PFKFB2: variants seen among roughly 807,000 people sequenced by gnomAD.
The protein encoded by PFKFB2 is 6-phosphofructo-2-kinase/fructose-2,6-biphosphatase 2.
A neutral mutation model predicts 68.0 loss-of-function variants in PFKFB2; 53 were observed. The observed-to-expected ratio is 0.78, with a 90% CI of 0.63 to 0.98. The LOEUF is 0.98. PFKFB2 is among the 50% of genes least tolerant of loss of function. PFKFB2 has a pLI of 0.00. For missense variants in PFKFB2, 451 were observed against 642.0 expected (o/e 0.70, Z 3.22); for synonymous variants, 222 against 227.6 (o/e 0.98, Z 0.22).
In PFKFB2 at chr1:207,065,294, G is replaced by A. The variant is rs996432714; in HGVS notation, c.632+134G>A. 136 of 1,460,042 alleles carry A rather than the reference G, an allele frequency of 9.3e-5. No individual in the cohort carries two copies. The Middle Eastern group carries it at 1.0e-3, about 11-fold the overall frequency. The allele number at this position is 1,460,042 out of a possible 1,614,324, so 90.4% of individuals were successfully genotyped here. A position where few individuals can be genotyped will look rare whatever the true frequency, so the allele number is the denominator to read the frequency against. ...TGTTAACATCATCCCAGAGAAATAA[G>A]GTATGGATTTGTGGCTTTTATGTGG... is the stretch of plus-strand genomic sequence containing the variant. On this transcript the variant is annotated intron_variant, in intron 8 of 14. Coordinates refer to ENST00000367080, the MANE Select transcript of PFKFB2 (RefSeq NM_006212.2).
chr1:207,035,500 A>G (rs1424963073), intron 1 of PFKFB2, among the ~76,000 whole-genome samples: 1 of 152,142 alleles, frequency 6.6e-6, no homozygotes, highest in Non-Finnish European at 1.5e-5. Flanking sequence ...CTAAAAGTAC[A>G]AAAATTAGCC....
chr1:207,049,872 G>A, upstream of PFKFB2: 1 of 705,022 alleles, frequency 1.4e-6, no homozygotes, highest in Non-Finnish European at 2.3e-6. Context: ...TAAGTTACCA[G>A]TAAGAATCTT....
chr1:207,067,155 ATTC>A (rs1683316073), intron 8 of PFKFB2, among the ~76,000 whole-genome samples: 1 of 152,200 alleles, frequency 6.6e-6, no homozygotes, highest in East Asian at 1.9e-4. Context: ...AAAGGGGCCT[ATTC>A]TTCTCACCAA....
upstream of PFKFB2, chr1:207,051,119 T>A: frequency 1.4e-6 from 2 of 1,422,856 alleles, no homozygotes; most frequent in Non-Finnish European, 1.8e-6. Flanking sequence ...TCTTTTAAAG[T>A]GACAACTGAT....
At position 207,068,320 on chromosome 1, in the gene PFKFB2, A is replaced by G. The variant is rs1294024544; in HGVS notation, c.987+11A>G. ...AATGAGATTGATGCTGTGAGTAGGA[A>G]GCTCTGAAGGCCCAGAAAAGCCAAC... On this transcript the variant is annotated intron_variant, in intron 10 of 14. Transcript: ENST00000367080. The G allele has an allele frequency of 1.7e-5, 26 of 1,551,898 alleles. No homozygotes were observed. The highest frequency in any genetic ancestry group is 2.2e-5 in the Non-Finnish European group (25 of 1,148,848).
At position 207,076,581 on chromosome 1, in the gene PFKFB2, T is replaced by C. The variant is rs144314283; in HGVS notation, c.*4210T>C. ...CAGAATTGTGTCCAGGGATTTAATT[T>C]AGACCCATACTGTCCAGGAGACTGT... On this transcript the variant is annotated 3_prime_UTR_variant, in exon 15 of 15. Coordinates refer to ENST00000367080, the MANE Select transcript of PFKFB2 (RefSeq NM_006212.2). The C allele has an allele frequency of 7.1e-6, 7 of 985,466 alleles. No homozygotes were observed. In the East Asian group the frequency reaches 7.9e-4, roughly 112 times the overall value. The allele number at this position is 985,466 out of a possible 1,614,324, so 61.0% of individuals were successfully genotyped here. A position where few individuals can be genotyped will look rare whatever the true frequency, so the allele number is the denominator to read the frequency against.
intron 9 of PFKFB2, 117 bp downstream of exon 9, chr1:207,067,823 A>G: frequency 1.2e-6 from 1 of 850,794 alleles, no homozygotes; most frequent in African/African-American, 1.7e-5. Flanking sequence ...GTGGTTTCAT[A>G]GTCAGGCAAG....
Position 207,068,219 on chromosome 1 carries a change from G to A in PFKFB2, c.897G>A (p.Val299=). The A allele has an allele frequency of 3.1e-6, 5 of 1,613,242 alleles. No homozygotes were observed. The highest frequency in any genetic ancestry group is 4.2e-6 in the Non-Finnish European group (5 of 1,179,708). Residue 299 remains valine, a synonymous_variant, in exon 10 of 15, where the codon GTG becomes GTA. Transcript: ENST00000367080. The part of the protein sequence containing the change: ...LEEQEITDLK[V]WTSQLKRTIQ... ...AACAGGAAATAACAGACCTCAAAGT[G>A]TGGACAAGCCAGTTGAAGAGGACCA...
chr1:207,072,811 T>G lies in PFKFB2; in HGVS notation c.*440T>G, dbSNP rs896497930. The G allele has an allele frequency of 6.3e-5, 63 of 994,406 alleles. No homozygotes were observed. The highest frequency in any genetic ancestry group is 6.9e-5 in the Non-Finnish European group (58 of 835,936). The allele number at this position is 994,406 out of a possible 1,614,324, so 61.6% of individuals were successfully genotyped here. On this transcript the variant is annotated 3_prime_UTR_variant, in exon 15 of 15. Coordinates refer to ENST00000367080, the MANE Select transcript of PFKFB2 (RefSeq NM_006212.2). The stretch of plus-strand genomic sequence containing the variant: ...AGTCTATTTTTCCTTCACTTTTGTC[T>G]CTTCAATGTGTGTTTTCCTCACACT...
In PFKFB2 at chr1:207,072,993, G is replaced by A. The variant is rs1683513632; in HGVS notation, c.*622G>A. 1.6e-5 allele frequency: 16 copies of A among 985,510 alleles called. No individual in the cohort carries two copies. Among genetic ancestry groups the A allele is most frequent in the Non-Finnish European group, 1.9e-5 (16 of 830,030 alleles). 61.0% of individuals were successfully genotyped at this position (985,510 alleles called of 1,614,324 possible). A position where few individuals can be genotyped will look rare whatever the true frequency, so the allele number is the denominator to read the frequency against. On this transcript the variant is annotated 3_prime_UTR_variant, in exon 15 of 15. Coordinates refer to ENST00000367080, the MANE Select transcript of PFKFB2 (RefSeq NM_006212.2). ...TTCTGCAGTGGGTCTAAATGGATCT[G>A]GACTGGAGGAGTCTTTCCTTTCCTT...
intron 2 of PFKFB2, among the ~76,000 whole-genome samples, chr1:207,058,769 A>G (rs1683002630): frequency 6.6e-6 from 1 of 152,354 alleles, no homozygotes; most frequent in South Asian, 2.1e-4. Flanking sequence ...TGAGGATTAC[A>G]GGCATAAGCC....
intron 8 of PFKFB2, among the ~76,000 whole-genome samples, chr1:207,066,630 T>C (rs1683295512): frequency 1.3e-5 from 2 of 152,210 alleles, no homozygotes; most frequent in African/African-American, 4.8e-5. Context: ...TTTTTTCTGA[T>C]TTTTTGATTT....
chr1:207,040,768 A>G (rs1037106908), intron 1 of PFKFB2, among the ~76,000 whole-genome samples: 4 of 152,188 alleles, frequency 2.6e-5, no homozygotes, highest in Admixed American at 2.0e-4. Flanking sequence ...CCATCCAGTA[A>G]GTATACACTT....
chr1:207,061,163 CTTTATA>C lies in PFKFB2; in HGVS notation c.86-788_86-783del, dbSNP rs1329175469. 3.6e-3 allele frequency among the ~76,000 whole-genome samples: 152 copies of C among 42,276 alleles called. 10 individuals are homozygous for C. Among genetic ancestry groups the C allele is most frequent in the African/African-American group, 0.017 (145 of 8,502 alleles). The allele number at this position is 42,276 out of a possible 152,430, so 27.7% of individuals were successfully genotyped here. On this transcript the variant is annotated intron_variant, in intron 2 of 14. Transcript: ENST00000367080. ...TATCTTTATATATATTTATATATATCTTTATATATATATATATATATATATATATAT... is the reference window on the plus strand; with the variant it reads ...TATCTTTATATATATTTATATATATCTATATATATATATATATATATATAT...
intron 1 of PFKFB2, among the ~76,000 whole-genome samples, chr1:207,041,388 C>T (rs1039546747): frequency 4.6e-5 from 7 of 151,992 alleles, no homozygotes; most frequent in African/African-American, 1.7e-4. Context: ...CCTCTTACAC[C>T]CCACCCCACT....
At chr1:207,061,448 G>A (rs1299011295) in intron 2 of PFKFB2, among the ~76,000 whole-genome samples, 1 of 151,904 alleles carries the variant, frequency 6.6e-6, no homozygotes, top group Non-Finnish European at 1.5e-5. Context: ...CTGGAAGCCT[G>A]CATAACCTTT....
intron 7 of PFKFB2, among the ~76,000 whole-genome samples, chr1:207,064,490 A>G (rs1316224166): frequency 6.6e-6 from 1 of 152,160 alleles, no homozygotes; most frequent in Non-Finnish European, 1.5e-5. Flanking sequence ...CAATTGTCCA[A>G]AGTTCTCGTC....
At chr1:207,060,944 C>T (rs1446000311) in intron 2 of PFKFB2, 1 of 130,234 alleles carries the variant, frequency 7.7e-6, no homozygotes, top group African/African-American at 4.1e-5. Flanking sequence ...CACACTCCCA[C>T]ATCTGGCTAA....
At chr1:207,053,949 G>T (rs1682836841) in intron 1 of PFKFB2, among the ~76,000 whole-genome samples, 1 of 137,120 alleles carries the variant, frequency 7.3e-6, no homozygotes, top group African/African-American at 2.8e-5. Context: ...CTGTCGCTAG[G>T]CTGGAGTGCA....
Sources: allele counts gnomAD v4.1 joint callset (sites outside exome capture counted in the v4.1 genomes callset), GRCh38; gene constraint gnomAD v4.1.1; transcripts MANE v1.5; gene names NCBI Gene and HGNC (gene_info 2026-07-23, HGNC 2026-07-21).